The following ACACB variants were observed in gnomAD, a reference collection of about 807,000 sequenced individuals.
ACACB encodes the protein acetyl-CoA carboxylase 2.
In ACACB, 209 loss-of-function variants were observed where a neutral mutation model predicts 278.8. The observed-to-expected ratio is 0.75, with a 90% CI of 0.67 to 0.84. The LOEUF is 0.84. Ranked by LOEUF, ACACB falls within the 40% of genes least tolerant of loss-of-function variation. The pLI, the probability that ACACB is intolerant of heterozygous loss-of-function variation, is 0.00. For missense variants in ACACB, 2,850 were observed against 3,269.0 expected (o/e 0.87, Z 3.13); for synonymous variants, 1,174 against 1,285.6 (o/e 0.91, Z 1.86).
chr12:109,223,477 G>A (rs139568788), intron 26 of ACACB, among the ~76,000 whole-genome samples: 2 of 152,282 alleles, frequency 1.3e-5, no homozygotes, highest in Non-Finnish European at 2.9e-5. Flanking sequence ...TTACTCACTG[G>A]CTGGGCACGG....
intron 19 of ACACB, among the ~76,000 whole-genome samples, chr12:109,202,591 A>T (rs1045867918): frequency 1.3e-5 from 2 of 152,190 alleles, no homozygotes; most frequent in African/African-American, 2.4e-5. Context: ...ATGGGATTAC[A>T]GGTGTGAGCC....
intron 1 of ACACB, among the ~76,000 whole-genome samples, chr12:109,116,997 C>T (rs2042417769): frequency 6.7e-6 from 1 of 150,312 alleles, no homozygotes; most frequent in Non-Finnish European, 1.5e-5. Flanking sequence ...GCCTCCAAAG[C>T]TACTGTCTTA....
chr12:109,146,143 G>A lies in ACACB; in HGVS notation c.653+6085G>A, dbSNP rs150005357. On this transcript the variant is annotated intron_variant, in intron 2 of 52. Transcript: ENST00000338432. ...CTAGAGGTTTAAGCTAGTCCTTCCA[G>A]ACAGGATCCAACCCTTGCCCCATTT... Among the ~76,000 whole-genome samples, 440 of 152,358 alleles carry A rather than the reference G, an allele frequency of 2.9e-3. 3 individuals are homozygous for A. The highest frequency in any genetic ancestry group is 9.9e-3 in the African/African-American group (410 of 41,588).
chr12:109,258,299 G>A lies in ACACB; in HGVS notation c.6295G>A (p.Val2099Met), dbSNP rs1409590054. The change falls in exon 46 of 53, where the codon GTG becomes ATG. Residue 2099 changes from valine (V) to methionine (M), a missense_variant. By Grantham distance (21) the Val-to-Met change is conservative. This residue lies in a region of ACACB where 579 missense variants were observed against 684.6 expected (regional missense o/e 0.85). Transcript: ENST00000338432. ...LGGIPVGVIA[V>M]ETRTVEVAVP... ...GGGGATTCCCGTGGGAGTGATTGCT[G>A]TGGAGACACGGACTGTGGAGGTGGC... 1 of 1,612,720 alleles carries A rather than the reference G, an allele frequency of 6.2e-7. No homozygotes were observed. The highest frequency in any genetic ancestry group is 1.1e-5 in the South Asian group (1 of 90,562).
intron 37 of ACACB, 149 bp downstream of exon 37, chr12:109,242,741 A>G: frequency 1.1e-6 from 1 of 882,246 alleles, no homozygotes; most frequent in Non-Finnish European, 1.7e-6. Flanking sequence ...TAATCCCAGC[A>G]CTTCGGGAGG....
At chr12:109,129,430 G>A (rs11065634) in intron 1 of ACACB, among the ~76,000 whole-genome samples, 8,178 of 152,186 alleles carry the variant, frequency 0.054, 415 homozygotes, top group East Asian at 0.25. Flanking sequence ...CACTTGTCGC[G>A]ACTTATTAGG....
At chr12:109,259,655 A>G (rs910128394) in intron 47 of ACACB, among the ~76,000 whole-genome samples, 2 of 152,068 alleles carry the variant, frequency 1.3e-5, no homozygotes, top group Admixed American at 6.5e-5. Flanking sequence ...CATGAGGTGC[A>G]GGTCAGGGAG....
rs538954422 is a variant in ACACB, at chr12:109,118,338, G to T, written c.-10+1634G>T. On this transcript the variant is annotated intron_variant, in intron 1 of 52. Transcript: ENST00000338432. The stretch of plus-strand genomic sequence containing the variant: ...TACATGAGATACCCAGTCTTCATGG[G>T]GAAATAAACATTTTAATCTTTTGAA... Among the ~76,000 whole-genome samples, 17 of 152,118 alleles carry T rather than the reference G, an allele frequency of 1.1e-4. No individual in the cohort carries two copies. In the South Asian group the frequency reaches 3.5e-3, roughly 32 times the overall value.
At chr12:109,254,368 C>G (rs1265385007) in intron 44 of ACACB, 34 bp downstream of exon 44, 4 of 1,576,584 alleles carry the variant, frequency 2.5e-6, no homozygotes, top group African/African-American at 3.1e-5. Context: ...AGGACCTGGT[C>G]TCGGGTTTCT....
Position 109,171,834 on chromosome 12 carries a change from C to T in ACACB, c.955C>T (p.Pro319Ser), listed in dbSNP as rs1174715821. 6.2e-7 allele frequency: 1 copy of T among 1,613,954 alleles called. No individual in the cohort carries two copies. Among genetic ancestry groups the T allele is most frequent in the Non-Finnish European group, 8.5e-7 (1 of 1,179,978 alleles). The change falls in exon 5 of 53, where the codon CCC (proline) becomes TCC (serine). Residue 319 changes from proline (P) to serine (S), a missense_variant. By Grantham distance (74) the Pro-to-Ser change is moderately conservative (BLOSUM62 -1). Coordinates refer to ENST00000338432, the MANE Select transcript of ACACB (RefSeq NM_001093.4). Reference sequence around the variant, plus strand: ...CATCAAGATGGCGGATCATTACGTCCCCGTCCCAGGAGGGCCCAATAACAA... The same window carrying T: ...CATCAAGATGGCGGATCATTACGTCTCCGTCCCAGGAGGGCCCAATAACAA... Reference protein sequence around the residue: ...EYIKMADHYVPVPGGPNNNNY... With the variant: ...EYIKMADHYVSVPGGPNNNNY...
At chr12:109,130,016 G>A (rs981657821) in intron 1 of ACACB, among the ~76,000 whole-genome samples, 10 of 152,218 alleles carry the variant, frequency 6.6e-5, no homozygotes, top group African/African-American at 2.4e-4. Context: ...GGTGAGGTAG[G>A]CGAGGCTGGG....
At position 109,210,413 on chromosome 12, in the gene ACACB, A is replaced by ATATC. The variant is rs1491317917; in HGVS notation, c.3249+1061_3249+1062insATCT. On this transcript the variant is annotated intron_variant, in intron 21 of 52. Transcript: ENST00000338432. ...TATATATGTATATACACGCACACAC[A>ATATC]TGTGTATATATGTATATACACGCAC... 2.8e-5 allele frequency among the ~76,000 whole-genome samples: 4 copies of ATATC among 140,402 alleles called. 1 individual carries two copies. Among genetic ancestry groups the ATATC allele is most frequent in the African/African-American group, 1.1e-4 (4 of 36,762 alleles). The allele number at this position is 140,402 out of a possible 152,430, so 92.1% of individuals were successfully genotyped here. A position where few individuals can be genotyped will look rare whatever the true frequency, so the allele number is the denominator to read the frequency against.
rs529329835 is a variant in ACACB, at chr12:109,185,882, G to A, written c.1980+142G>A. The A allele has an allele frequency of 1.4e-5, 10 of 705,214 alleles. No homozygotes were observed. In the African/African-American group the frequency reaches 1.5e-4, roughly 11 times the overall value. The allele number at this position is 705,214 out of a possible 1,614,324, so 43.7% of individuals were successfully genotyped here. On this transcript the variant is annotated intron_variant, in intron 12 of 52. Transcript: ENST00000338432. ...ATGGGGAAACTGAGGCATGGGAAGG[G>A]ACATCCCATGGTTTATTTGATTATT...
At chr12:109,210,948 T>TA (rs1349806031) in intron 21 of ACACB, among the ~76,000 whole-genome samples, 2,545 of 142,552 alleles carry the variant, frequency 0.018, 38 homozygotes, top group African/African-American at 0.04. Context: ...GTGAACATGT[T>TA]AAAAAAAAAA....
At position 109,209,327 on chromosome 12, in the gene ACACB, G is replaced by A. The variant is rs768076267; in HGVS notation, c.3223G>A (p.Val1075Met). ...CCAGTATGCCAGCAACATCACCTCG[G>A]TGCTGTGCCAGTTCCCCAGCCAGCA... Reference protein sequence around the residue: ...MAQYASNITSVLCQFPSQQIA... With the variant: ...MAQYASNITSMLCQFPSQQIA... Residue 1075 changes from valine (V) to methionine (M), a missense_variant, in exon 21 of 53, where the codon GTG becomes ATG. Val to Met is a conservative substitution (Grantham distance 21, BLOSUM62 1). Around this residue, in one of 3 missense-constraint regions of ACACB, gnomAD observed 2,265 missense variants for 2,561.3 expected, o/e 0.88. Transcript: ENST00000338432. The A allele has an allele frequency of 6.2e-7, 1 of 1,611,652 alleles. No homozygotes were observed. Among genetic ancestry groups the A allele is most frequent in the Non-Finnish European group, 8.5e-7 (1 of 1,179,514 alleles).
In ACACB at chr12:109,191,849, G is replaced by A. The variant is rs373523045; in HGVS notation, c.2298G>A (p.Ala766=). 2.5e-4 allele frequency: 405 copies of A among 1,614,084 alleles called. 1 individual carries two copies. Among genetic ancestry groups the A allele is most frequent in the Admixed American group, 5.0e-4 (30 of 60,006 alleles). The change falls in exon 15 of 53, where the codon GCG becomes GCA. Residue 766 remains alanine (A), a splice_region_variant and synonymous_variant. Coordinates refer to ENST00000338432, the MANE Select transcript of ACACB (RefSeq NM_001093.4). The stretch of plus-strand genomic sequence containing the variant: ...TACTGAAGTGCATTTTCTCCTAGGC[G>A]GAGAAACCGGATATCATGCTTGGGG... ...LDYLIAEKVQ[A]EKPDIMLGVV...
chr12:109,216,883 AG>A lies in ACACB; in HGVS notation c.3529del (p.Val1177TrpfsTer8). ...QVLDCIFSHA[Q>X]VAKKNQLVIM... ...CTGGACTGCATCTTCTCCCACGCAC[AG>A]GTGGCCAAGAAGAACCAGCTGGTGA... is the stretch of plus-strand genomic sequence containing the variant. On this transcript the variant is annotated frameshift_variant, in exon 24 of 53. Coordinates refer to ENST00000338432, the MANE Select transcript of ACACB (RefSeq NM_001093.4). LOFTEE classifies it high-confidence loss of function. 1 of 1,614,012 alleles carries A rather than the reference AG, an allele frequency of 6.2e-7. No homozygotes were observed. The highest frequency in any genetic ancestry group is 8.5e-7 in the Non-Finnish European group (1 of 1,180,012).
At chr12:109,117,620 C>A (rs556610744) in intron 1 of ACACB, among the ~76,000 whole-genome samples, 1 of 152,238 alleles carries the variant, frequency 6.6e-6, no homozygotes, top group Admixed American at 6.5e-5. Flanking sequence ...ATTCTGTACA[C>A]TCACACTGTA....
intron 7 of ACACB, among the ~76,000 whole-genome samples, chr12:109,175,392 G>A (rs2044250997): frequency 6.6e-6 from 1 of 151,914 alleles, no homozygotes; most frequent in African/African-American, 2.4e-5. Flanking sequence ...GTTGTTGGTC[G>A]ACTCAGTCTG....
Sources: gnomAD v4.1 joint callset for allele counts (sites outside exome capture counted in the v4.1 genomes callset) on GRCh38, gnomAD v4.1.1 for gene constraint, gnomAD v4.1.1 regional missense constraint, MANE v1.5 for transcripts, NCBI Gene and HGNC (gene_info 2026-07-23, HGNC 2026-07-21) for gene names.